The following NEDD4L variants were observed in gnomAD, a reference collection of about 807,000 sequenced individuals.
NEDD4L encodes the protein E3 ubiquitin-protein ligase NEDD4-like.
A neutral mutation model predicts 148.9 loss-of-function variants in NEDD4L; 54 were observed. The ratio of observed to expected loss-of-function variants is 0.36; its 90% confidence interval spans 0.29 to 0.45. The LOEUF is 0.45. Among genes scored for constraint, NEDD4L ranks in the 20% least tolerant of loss-of-function variants. The pLI is 1.00. For missense variants in NEDD4L, 856 were observed against 1,233.8 expected, an observed-to-expected ratio of 0.69 and a Z score of 4.59; for synonymous variants, 433 against 440.7, an observed-to-expected ratio of 0.98 and a Z score of 0.22.
intron 2 of NEDD4L, among the ~76,000 whole-genome samples, chr18:58,166,082 G>A (rs1389340619): frequency 6.6e-6 from 1 of 152,218 alleles, no homozygotes; most frequent in Non-Finnish European, 1.5e-5. Context: ...GTAGTTAACA[G>A]CCTGTTCTTC....
intron 5 of NEDD4L, among the ~76,000 whole-genome samples, chr18:58,287,803 G>A (rs772186747): frequency 6.6e-6 from 1 of 152,126 alleles, no homozygotes; most frequent in Non-Finnish European, 1.5e-5. Context: ...GCGCGAGCCT[G>A]TGTGTTTTGC....
At chr18:58,343,493 C>T (rs979274125) in intron 16 of NEDD4L, among the ~76,000 whole-genome samples, 4 of 152,190 alleles carry the variant, frequency 2.6e-5, no homozygotes, top group African/African-American at 9.7e-5. Flanking sequence ...CTTGCACTTT[C>T]ATTGGCATTA....
chr18:58,120,551 G>T (rs1183088324), intron 1 of NEDD4L, among the ~76,000 whole-genome samples: 1 of 152,030 alleles, frequency 6.6e-6, no homozygotes, highest in African/African-American at 2.4e-5. Flanking sequence ...AGGCTGAGGC[G>T]GGCGGATCAC....
intron 1 of NEDD4L, among the ~76,000 whole-genome samples, chr18:58,083,841 A>C (rs2083598494): frequency 6.6e-6 from 1 of 152,204 alleles, no homozygotes. Flanking sequence ...TGCAATATGG[A>C]TGAACCTGCC....
intron 2 of NEDD4L, among the ~76,000 whole-genome samples, chr18:58,168,390 C>T (rs996361853): frequency 3.3e-5 from 5 of 152,204 alleles, no homozygotes; most frequent in African/African-American, 1.2e-4. Flanking sequence ...CCTGCATTCT[C>T]CCTCCATGCT....
At chr18:58,301,012 A>T (rs2056391120) in intron 5 of NEDD4L, among the ~76,000 whole-genome samples, 1 of 152,182 alleles carries the variant, frequency 6.6e-6, no homozygotes, top group Non-Finnish European at 1.5e-5. Flanking sequence ...TGAATCGCCG[A>T]GTCTTAGCCC....
At chr18:58,078,780 G>A (rs1329162025) in intron 1 of NEDD4L, among the ~76,000 whole-genome samples, 1 of 152,202 alleles carries the variant, frequency 6.6e-6, no homozygotes, top group Non-Finnish European at 1.5e-5. Context: ...GAGGGAGGAG[G>A]AAGATGAAGG....
At position 58,314,182 on chromosome 18, in the gene NEDD4L, C is replaced by T. The variant is rs141000814; in HGVS notation, c.298-1800C>T. Among the ~76,000 whole-genome samples the T allele has an allele frequency of 1.1e-4, 17 of 152,154 alleles. No individual in the cohort carries two copies. The East Asian group carries it at 2.9e-3, about 26-fold the overall frequency. On this transcript the variant is annotated intron_variant, in intron 5 of 30. Transcript: ENST00000400345. ...CTGTAATCCTAGCACTTTGGGAGGTCGAGGAGGGCAGATCGTTGGAGGTCA... is the reference window on the plus strand; with the variant it reads ...CTGTAATCCTAGCACTTTGGGAGGTTGAGGAGGGCAGATCGTTGGAGGTCA...
chr18:58,183,986 G>A (rs547741575), intron 2 of NEDD4L, among the ~76,000 whole-genome samples: 53 of 152,266 alleles, frequency 3.5e-4, no homozygotes, highest in Admixed American at 9.8e-4. Context: ...TGGCTAACAT[G>A]GTGAAACCCC....
At chr18:58,207,287 G>A (rs1473196720) in intron 2 of NEDD4L, among the ~76,000 whole-genome samples, 1 of 151,730 alleles carries the variant, frequency 6.6e-6, no homozygotes, top group Non-Finnish European at 1.5e-5. Context: ...ATCAGGAAGA[G>A]GGAAATCAAC....
intron 2 of NEDD4L, among the ~76,000 whole-genome samples, chr18:58,202,422 A>G (rs917052375): frequency 1.3e-5 from 2 of 152,242 alleles, no homozygotes; most frequent in African/African-American, 4.8e-5. Flanking sequence ...GCAATGTAAG[A>G]TGTCAGGCCC....
At chr18:58,335,163 C>T (rs1012074666) in intron 12 of NEDD4L, among the ~76,000 whole-genome samples, 8 of 152,290 alleles carry the variant, frequency 5.3e-5, no homozygotes, top group Non-Finnish European at 1.2e-4. Flanking sequence ...GGGGAGATTT[C>T]AGAATCTGCT....
intron 2 of NEDD4L, among the ~76,000 whole-genome samples, chr18:58,186,692 G>A (rs770236155): frequency 1.3e-5 from 2 of 152,242 alleles, no homozygotes; most frequent in Non-Finnish European, 2.9e-5. Flanking sequence ...AGAAAGGTTA[G>A]GCATCTTGCT....
intron 2 of NEDD4L, among the ~76,000 whole-genome samples, chr18:58,227,203 G>A (rs1311769868): frequency 6.6e-6 from 1 of 152,220 alleles, no homozygotes; most frequent in East Asian, 1.9e-4. Context: ...CAGAGGTAGA[G>A]CGTTTTGTCT....
intron 23 of NEDD4L, chr18:58,372,788 C>T: frequency 6.0e-6 from 1 of 166,408 alleles, no homozygotes. Context: ...CATGCCATTG[C>T]ACTCCAGCCT....
At chr18:58,148,163 C>CTT (rs58114617) in intron 1 of NEDD4L, among the ~76,000 whole-genome samples, 3 of 141,922 alleles carry the variant, frequency 2.1e-5, no homozygotes, top group Non-Finnish European at 1.5e-5. Flanking sequence ...CCACACTGTT[C>CTT]TTTTTTTTTT....
intron 2 of NEDD4L, among the ~76,000 whole-genome samples, chr18:58,214,436 CT>C (rs2042925091): frequency 6.6e-6 from 1 of 152,204 alleles, no homozygotes; most frequent in South Asian, 2.1e-4. Flanking sequence ...TGGATGGAAA[CT>C]TCTGTTGATC....
At chr18:58,142,064 T>TTTTTTTTTTA (rs71173033) in intron 1 of NEDD4L, among the ~76,000 whole-genome samples, 1 of 137,794 alleles carries the variant, frequency 7.3e-6, no homozygotes, top group Non-Finnish European at 1.6e-5. Context: ...TTTTTTTTTT[T>TTTTTTTTTTA]GAGACAGAGT....
intron 9 of NEDD4L, among the ~76,000 whole-genome samples, chr18:58,326,359 A>G (rs777656992): frequency 6.5e-4 from 99 of 152,356 alleles, no homozygotes; most frequent in South Asian, 1.2e-3. Flanking sequence ...GTCTCAGGAC[A>G]GCAAAAATAT....
Sources: allele counts gnomAD v4.1 joint callset (sites outside exome capture counted in the v4.1 genomes callset), GRCh38; gene constraint gnomAD v4.1.1; transcripts MANE v1.5; gene names NCBI Gene and HGNC (gene_info 2026-07-23, HGNC 2026-07-21).